Variants in SMC6 observed in about 807,000 individuals in gnomAD.
SMC6 encodes the protein structural maintenance of chromosomes 6.
A neutral mutation model predicts 142.2 loss-of-function variants in SMC6; 79 were observed. The observed-to-expected ratio is 0.56, with a 90% CI of 0.46 to 0.67. The LOEUF (loss-of-function observed/expected upper bound fraction) is 0.67. Among genes scored for constraint, SMC6 ranks in the 30% least tolerant of loss-of-function variants. SMC6 has a pLI of 0.00. For missense variants in SMC6, 1,072 were observed against 1,284.0 expected, an observed-to-expected ratio of 0.83 and a Z score of 2.52; for synonymous variants, 411 against 412.4, an observed-to-expected ratio of 1.00 and a Z score of 0.04.
chr2:17,752,474 A>AT (rs772849941), intron 2 of SMC6, among the ~76,000 whole-genome samples: 32 of 152,314 alleles, frequency 2.1e-4, no homozygotes, highest in Non-Finnish European at 3.4e-4. Context: ...TCCAACTTGC[A>AT]TAAGAAGAAC....
chr2:17,731,851 C>T lies in SMC6; in HGVS notation c.371G>A (p.Arg124Lys). 6.2e-7 allele frequency: 1 copy of T among 1,613,614 alleles called. No individual in the cohort carries two copies. Among genetic ancestry groups the T allele is most frequent in the Non-Finnish European group, 8.5e-7 (1 of 1,179,770 alleles). Residue 124 changes from arginine to lysine, a missense_variant, in exon 6 of 28, where the codon AGG becomes AAG. Around this residue, in one of 3 missense-constraint regions of SMC6, gnomAD observed 994 missense variants for 1,153.2 expected, o/e 0.86. Coordinates refer to ENST00000448223, the MANE Select transcript of SMC6 (RefSeq NM_001142286.2). ...QNSADISITL[R>K]NRGDDAFKAS... ...TTTAAAGGCATCATCTCCTCTGTTC[C>T]TCAATGTTATTGAGATATCTGCAGA... is the stretch of plus-strand genomic sequence containing the variant.
intron 21 of SMC6, among the ~76,000 whole-genome samples, chr2:17,696,878 C>T (rs1211461396): frequency 1.3e-5 from 2 of 152,034 alleles, no homozygotes; most frequent in African/African-American, 4.8e-5. Flanking sequence ...TGGAAAGAAG[C>T]TATCCCAAGA....
intron 7 of SMC6, among the ~76,000 whole-genome samples, chr2:17,729,955 A>C (rs985084411): frequency 9.9e-5 from 15 of 152,154 alleles, no homozygotes; most frequent in African/African-American, 3.1e-4. Flanking sequence ...GTTCTAAACC[A>C]AACTGGAAAA....
intron 2 of SMC6, among the ~76,000 whole-genome samples, chr2:17,746,926 C>T (rs1670780246): frequency 6.6e-6 from 1 of 152,060 alleles, no homozygotes; most frequent in Non-Finnish European, 1.5e-5. Context: ...TGAAATCCCC[C>T]AAATATTAGA....
At chr2:17,740,832 A>AG in intron 4 of SMC6, 3 of 271,600 alleles carry the variant, frequency 1.1e-5, no homozygotes, top group South Asian at 8.1e-5. Flanking sequence ...CCTGGGCGAT[A>AG]GAGGGAGACT....
At chr2:17,733,411 A>G (rs1670001228) in intron 5 of SMC6, among the ~76,000 whole-genome samples, 1 of 152,230 alleles carries the variant, frequency 6.6e-6, no homozygotes, top group African/African-American at 2.4e-5. Context: ...AAATCAAACT[A>G]AGAAAATGTG....
chr2:17,715,436 T>C (rs1669035314), intron 15 of SMC6, among the ~76,000 whole-genome samples: 1 of 151,232 alleles, frequency 6.6e-6, no homozygotes, highest in Admixed American at 6.6e-5. Flanking sequence ...AAGTCCTTAA[T>C]GGGATGCGAA....
chr2:17,727,484 G>C (rs1284696724), intron 7 of SMC6, among the ~76,000 whole-genome samples: 1 of 146,998 alleles, frequency 6.8e-6, no homozygotes, highest in Admixed American at 7.0e-5. Flanking sequence ...GATCATGTGA[G>C]TTAATATTTA....
chr2:17,690,834 T>G (rs1667672785), intron 23 of SMC6, among the ~76,000 whole-genome samples: 1 of 151,794 alleles, frequency 6.6e-6, no homozygotes, highest in Admixed American at 6.6e-5. Context: ...GAAAAAAGAA[T>G]CTAAGAAGGC....
At chr2:17,675,080 TC>T (rs1666938738) in intron 25 of SMC6, among the ~76,000 whole-genome samples, 1 of 152,098 alleles carries the variant, frequency 6.6e-6, no homozygotes, top group Non-Finnish European at 1.5e-5. Flanking sequence ...TTATTTCTCT[TC>T]CCTTTTTGCC....
chr2:17,700,317 T>C lies in SMC6; in HGVS notation c.2285A>G (p.Gln762Arg). The C allele has an allele frequency of 6.2e-7, 1 of 1,611,794 alleles. No homozygotes were observed. ...MKMVEEHMEQ[Q>R]KENMEHLKSL... is the part of the protein sequence containing the mutation. ...TTTAAGATGCTCCATATTTTCTTTT[T>C]GTTGCTCCATATGTTCCTCAACCAT... The change falls in exon 21 of 28, where the codon CAA (glutamine) becomes CGA (arginine). Residue 762 changes from glutamine (Q) to arginine (R), a missense_variant. Gln to Arg is a conservative substitution (Grantham distance 43, BLOSUM62 1). Around this residue, in one of 3 missense-constraint regions of SMC6, gnomAD observed 994 missense variants for 1,153.2 expected, o/e 0.86. Coordinates refer to ENST00000448223, the MANE Select transcript of SMC6 (RefSeq NM_001142286.2).
In SMC6 at chr2:17,665,557, C is replaced by T. The variant is rs761811125; in HGVS notation, c.3218G>A (p.Gly1073Glu). The T allele has an allele frequency of 1.2e-5, 20 of 1,611,254 alleles. No homozygotes were observed. The highest frequency in any genetic ancestry group is 3.3e-5 in the South Asian group (3 of 90,722). ...AGGTCTGAAAGGCAATGTAGTTTGT[C>T]CTCTTTCAGGATCAGACATTCGGAG... ...RILRMSDPER[G>E]QTTLPFRPVT... Residue 1073 changes from glycine (G) to glutamate (E), a missense_variant, in exon 28 of 28, where the codon GGA becomes GAA. Around this residue, in one of 3 missense-constraint regions of SMC6, gnomAD observed 76 missense variants for 112.3 expected, o/e 0.68. Coordinates refer to ENST00000448223, the MANE Select transcript of SMC6 (RefSeq NM_001142286.2).
intron 21 of SMC6, among the ~76,000 whole-genome samples, chr2:17,698,834 A>C (rs1668133689): frequency 6.6e-6 from 1 of 152,092 alleles, no homozygotes; most frequent in African/African-American, 2.4e-5. Context: ...GTTTTAGTGC[A>C]TCTCCTTGTA....
At chr2:17,678,418 AT>A (rs1667092995) in intron 25 of SMC6, among the ~76,000 whole-genome samples, 1 of 152,182 alleles carries the variant, frequency 6.6e-6, no homozygotes, top group African/African-American at 2.4e-5. Flanking sequence ...GGCAAAGACC[AT>A]CCTTAACTTA....
At chr2:17,703,426 T>A in intron 18 of SMC6, 134 bp from the exon 19 acceptor site, 1 of 674,790 alleles carries the variant, frequency 1.5e-6, no homozygotes, top group Non-Finnish European at 2.3e-6. Context: ...ACCAGTTCTA[T>A]AATCCTACCA....
At chr2:17,702,331 C>T (rs975828004) in intron 19 of SMC6, among the ~76,000 whole-genome samples, 1 of 152,116 alleles carries the variant, frequency 6.6e-6, no homozygotes, top group Non-Finnish European at 1.5e-5. Flanking sequence ...AACAATTAGA[C>T]ATTATTTGCC....
At chr2:17,709,823 A>C (rs1485152156) in intron 16 of SMC6, among the ~76,000 whole-genome samples, 2 of 152,196 alleles carry the variant, frequency 1.3e-5, no homozygotes, top group Non-Finnish European at 2.9e-5. Flanking sequence ...TGAGGAAATG[A>C]TATAGTCACA....
intron 19 of SMC6, 151 bp downstream of exon 19, chr2:17,703,006 C>A: frequency 2.4e-6 from 1 of 412,638 alleles, no homozygotes; most frequent in Non-Finnish European, 4.2e-6. Flanking sequence ...ACAGATATAC[C>A]CACATAAATG....
intron 8 of SMC6, among the ~76,000 whole-genome samples, 161 bp from the exon 9 acceptor site, chr2:17,725,519 T>C (rs1289155084): frequency 2.6e-5 from 4 of 152,196 alleles, no homozygotes; most frequent in Non-Finnish European, 5.9e-5. Flanking sequence ...GAATACATCA[T>C]ATTTCAGATT....
Sources: allele counts gnomAD v4.1 joint callset (sites outside exome capture counted in the v4.1 genomes callset), GRCh38; gene constraint gnomAD v4.1.1; regional missense constraint gnomAD v4.1.1; transcripts MANE v1.5; gene names NCBI Gene and HGNC (gene_info 2026-07-23, HGNC 2026-07-21).